PRKCB: variants seen among roughly 807,000 people sequenced by gnomAD.
PRKCB encodes protein kinase C beta type.
PRKCB carries 13 observed loss-of-function variants against 81.5 expected under a neutral mutation model. The observed-to-expected ratio is 0.16, with a 90% CI of 0.10 to 0.25. The LOEUF (loss-of-function observed/expected upper bound fraction) is 0.25, where lower values mean the gene tolerates loss of function less well. Among genes scored for constraint, PRKCB ranks in the 10% least tolerant of loss-of-function variants. The pLI is 1.00. For synonymous variants in PRKCB, 335 were observed against 321.4 expected (o/e 1.04, Z -0.45); for missense variants, 509 against 875.7 (o/e 0.58, Z 5.29).
intron 2 of PRKCB, among the ~76,000 whole-genome samples, chr16:23,972,284 G>A (rs1429776075): frequency 6.6e-6 from 1 of 152,158 alleles, no homozygotes; most frequent in Non-Finnish European, 1.5e-5. Context: ...AACTTTTTAG[G>A]TGGTGCCCAT....
chr16:24,076,210 G>A (rs764666963), intron 5 of PRKCB, among the ~76,000 whole-genome samples: 20 of 152,188 alleles, frequency 1.3e-4, no homozygotes, highest in Admixed American at 3.9e-4. Flanking sequence ...GTTGTTTGGA[G>A]CATGTGAAAA....
intron 2 of PRKCB, among the ~76,000 whole-genome samples, chr16:23,935,368 A>G (rs941923514): frequency 5.4e-4 from 83 of 152,314 alleles, no homozygotes; most frequent in African/African-American, 1.9e-3. Context: ...AACATCACTG[A>G]TTAGACCGTA....
At chr16:23,944,619 G>C (rs948679595) in intron 2 of PRKCB, among the ~76,000 whole-genome samples, 2 of 152,168 alleles carry the variant, frequency 1.3e-5, no homozygotes, top group Non-Finnish European at 2.9e-5. Context: ...GGACTTAGGA[G>C]TGCAGATGGG....
chr16:24,105,664 A>G (rs865800656), intron 7 of PRKCB, among the ~76,000 whole-genome samples: 1 of 152,236 alleles, frequency 6.6e-6, no homozygotes, highest in East Asian at 1.9e-4. Context: ...GCTGAGAATG[A>G]TGGTTTCCAG....
At chr16:24,192,698 G>C (rs1967812284) in intron 16 of PRKCB, among the ~76,000 whole-genome samples, 1 of 152,184 alleles carries the variant, frequency 6.6e-6, no homozygotes, top group Admixed American at 6.5e-5. Context: ...CTGTCTATCA[G>C]TATGCAGTAT....
chr16:23,890,552 C>T (rs568983430), intron 2 of PRKCB, among the ~76,000 whole-genome samples: 93 of 152,298 alleles, frequency 6.1e-4, no homozygotes, highest in Non-Finnish European at 9.7e-4. Context: ...CACTTCCAAC[C>T]GGGCTTTTCA....
In PRKCB at chr16:24,214,893, C is replaced by T. The variant is rs554207643; in HGVS notation, c.*77C>T. 5 of 1,567,140 alleles carry T rather than the reference C, an allele frequency of 3.2e-6. No individual in the cohort carries two copies. The highest frequency in any genetic ancestry group is 2.2e-5 in the East Asian group (1 of 44,506). ...ATTGTGGTGACATTTTTATGTTTTT[C>T]ATTGCCAAGTTGCATCCATGTTTGA... On this transcript the variant is annotated 3_prime_UTR_variant, in exon 17 of 17. Coordinates refer to ENST00000643927, the MANE Select transcript of PRKCB (RefSeq NM_002738.7).
At chr16:24,189,672 A>G (rs904697227) in intron 15 of PRKCB, among the ~76,000 whole-genome samples, 1 of 149,802 alleles carries the variant, frequency 6.7e-6, no homozygotes, top group Non-Finnish European at 1.5e-5. Context: ...AGAAGTAGCT[A>G]GCTTAGAATG....
intron 2 of PRKCB, among the ~76,000 whole-genome samples, chr16:23,842,705 A>G (rs984276358): frequency 3.9e-5 from 6 of 152,316 alleles, no homozygotes; most frequent in African/African-American, 1.4e-4. Flanking sequence ...TAGATTAGAA[A>G]ACATGTTTTT....
intron 5 of PRKCB, among the ~76,000 whole-genome samples, chr16:24,058,323 C>T (rs896536711): frequency 2.0e-5 from 3 of 152,100 alleles, no homozygotes; most frequent in African/African-American, 7.2e-5. Flanking sequence ...AGAGCAAGAA[C>T]CTTCCTTATT....
At chr16:24,114,268 C>CA (rs543686526) in intron 8 of PRKCB, among the ~76,000 whole-genome samples, 4,323 of 109,860 alleles carry the variant, frequency 0.039, 71 homozygotes, top group Middle Eastern at 0.071. Context: ...GACTTCATCT[C>CA]AAAAAAAAAA....
At chr16:24,059,515 T>C (rs1965945835) in intron 5 of PRKCB, among the ~76,000 whole-genome samples, 1 of 151,424 alleles carries the variant, frequency 6.6e-6, no homozygotes, top group South Asian at 2.1e-4. Flanking sequence ...TTTTTTTTTT[T>C]AATGTAGCCA....
At chr16:24,108,505 C>G (rs545358891) in intron 7 of PRKCB, among the ~76,000 whole-genome samples, 3,434 of 144,606 alleles carry the variant, frequency 0.024, 76 homozygotes, top group African/African-American at 0.083. Context: ...TGCGGCCTTC[C>G]GCAGTGTTTG....
At chr16:24,076,805 G>C (rs918111027) in intron 5 of PRKCB, among the ~76,000 whole-genome samples, 1 of 152,224 alleles carries the variant, frequency 6.6e-6, no homozygotes, top group African/African-American at 2.4e-5. Context: ...TGTCTGGGCA[G>C]AGTTTAGAAT....
At chr16:23,960,819 T>C (rs1964415538) in intron 2 of PRKCB, among the ~76,000 whole-genome samples, 1 of 152,260 alleles carries the variant, frequency 6.6e-6, no homozygotes, top group African/African-American at 2.4e-5. Flanking sequence ...ACAGAAGCTG[T>C]TTGTACTTTA....
intron 9 of PRKCB, among the ~76,000 whole-genome samples, chr16:24,145,850 A>G (rs1966980825): frequency 6.6e-6 from 1 of 152,362 alleles, no homozygotes; most frequent in Non-Finnish European, 1.5e-5. Flanking sequence ...GATGTTGACG[A>G]TCACCACTGT....
rs1555481692 is a variant in PRKCB at position 23,882,021 on chromosome 16, T to TTCTTTCTTCCTTC, written c.205+44615_205+44616insTCTTTCTTCCTTC. ...TTCTTTCTTTCTTTCTTTCTTTCTTTCTTCCTTCCTTCCTTCCTTCCTTCC... is the reference window on the plus strand; with the variant it reads ...TTCTTTCTTTCTTTCTTTCTTTCTTTTCTTTCTTCCTTCCTTCCTTCCTTCCTTCCTTCCTTCC... On this transcript the variant is annotated intron_variant, in intron 2 of 16. Coordinates refer to ENST00000643927, the MANE Select transcript of PRKCB (RefSeq NM_002738.7). 5.9e-4 allele frequency among the ~76,000 whole-genome samples: 33 copies of TTCTTTCTTCCTTC among 55,634 alleles called. 2 individuals are homozygous for TTCTTTCTTCCTTC. The highest frequency in any genetic ancestry group is 1.4e-3 in the African/African-American group (23 of 16,910). 36.5% of individuals were successfully genotyped at this position (55,634 alleles called of 152,430 possible).
At chr16:24,202,554 C>T (rs1351965015) in intron 16 of PRKCB, among the ~76,000 whole-genome samples, 1 of 152,122 alleles carries the variant, frequency 6.6e-6, no homozygotes, top group African/African-American at 2.4e-5. Context: ...ATTAAGATTC[C>T]CCTCACCCAT....
chr16:23,868,993 T>G (rs1962856322), intron 2 of PRKCB: 2 of 384,098 alleles, frequency 5.2e-6, no homozygotes, highest in African/African-American at 4.1e-5. Context: ...GAAATAGAAG[T>G]GAGGCGACTT....
Sources: gnomAD v4.1 joint callset for allele counts (sites outside exome capture counted in the v4.1 genomes callset) on GRCh38, gnomAD v4.1.1 for gene constraint, MANE v1.5 for transcripts, NCBI Gene and HGNC (gene_info 2026-07-23, HGNC 2026-07-21) for gene names.